MRC1: variants seen among roughly 807,000 people sequenced by gnomAD.
The protein encoded by MRC1 is mannose receptor C-type 1, also known as macrophage mannose receptor 1.
Under a neutral mutation model 102.9 loss-of-function variants are expected in MRC1, and 62 were observed. The observed-to-expected ratio is 0.60, with a 90% CI of 0.49 to 0.74. MRC1 has a LOEUF of 0.74. Ranked by LOEUF, MRC1 falls within the 30% of genes least tolerant of loss-of-function variation. The probability of loss-of-function intolerance (pLI) is 0.00; values close to 1 mark genes in which losing one functional copy is unlikely to be tolerated. For synonymous variants in MRC1, 457 were observed against 298.4 expected, an observed-to-expected ratio of 1.53 and a Z score of -5.48; for missense variants, 1,237 against 862.8, an observed-to-expected ratio of 1.43 and a Z score of -5.43.
chr10:17,861,446 A>C lies in MRC1; in HGVS notation c.1578A>C (p.Ala526=). 1.1e-6 allele frequency: 1 copy of C among 872,560 alleles called. No individual in the cohort carries two copies. The highest frequency in any genetic ancestry group is 2.0e-6 in the Non-Finnish European group (1 of 501,424). 54.1% of individuals were successfully genotyped at this position (872,560 alleles called of 1,614,324 possible). A position where few individuals can be genotyped will look rare whatever the true frequency, so the allele number is the denominator to read the frequency against. Residue 526 remains alanine, a synonymous_variant, in exon 10 of 30, where the codon GCA becomes GCC. Transcript: ENST00000569591. ...TTGGACATACGCTTTCAACATTTGC[A>C]GAAGCAAACCAAACCTGTAATAATG... ...YMIGHTLSTF[A]EANQTCNNEN... is the part of the protein sequence containing the mutation.
intron 23 of MRC1, among the ~76,000 whole-genome samples, chr10:17,895,520 C>T (rs923433780): frequency 2.0e-5 from 3 of 152,028 alleles, no homozygotes; most frequent in Admixed American, 6.6e-5. Flanking sequence ...TGGCATAAAG[C>T]ATCATTTGTG....
chr10:17,865,795 A>G (rs1049169334), intron 11 of MRC1, among the ~76,000 whole-genome samples: 7 of 152,226 alleles, frequency 4.6e-5, no homozygotes, highest in African/African-American at 1.7e-4. Flanking sequence ...GGAATCAGAG[A>G]TTTCAGAGAA....
At chr10:17,869,578 C>G (rs1449738316) in intron 12 of MRC1, among the ~76,000 whole-genome samples, 2 of 152,158 alleles carry the variant, frequency 1.3e-5, no homozygotes, top group Non-Finnish European at 2.9e-5. Flanking sequence ...CTGCATTTCA[C>G]TATTCTCTGC....
At chr10:17,856,133 G>T (rs546675) in intron 8 of MRC1, 109 bp from the exon 9 acceptor site, 495,001 of 698,726 alleles carry the variant, frequency 0.71, 177,624 homozygotes, top group East Asian at 0.81. Flanking sequence ...TCGCGCCACT[G>T]CACTCCAGCC....
chr10:17,831,003 C>G (rs1045286939), intron 3 of MRC1, among the ~76,000 whole-genome samples: 1,586 of 150,910 alleles, frequency 0.011, 107 homozygotes, highest in African/African-American at 0.037. Context: ...ATTCTCCTGC[C>G]TCAGCCTCCT....
At chr10:17,824,709 C>T (rs924506098) in intron 2 of MRC1, among the ~76,000 whole-genome samples, 3 of 152,094 alleles carry the variant, frequency 2.0e-5, no homozygotes, top group East Asian at 1.9e-4. Flanking sequence ...TTAAACTTGA[C>T]GGAGTCAAAT....
intron 23 of MRC1, among the ~76,000 whole-genome samples, chr10:17,896,395 T>G (rs1366630673): frequency 1.3e-5 from 2 of 152,266 alleles, no homozygotes; most frequent in East Asian, 3.9e-4. Context: ...CACCAGAATC[T>G]TAGGTCAGCA....
At chr10:17,827,093 CAA>C (rs1446408533) in intron 2 of MRC1, among the ~76,000 whole-genome samples, 5 of 151,652 alleles carry the variant, frequency 3.3e-5, no homozygotes, top group Non-Finnish European at 5.9e-5. Context: ...AAGCTGGTGT[CAA>C]TAGAGGAAGG....
intron 6 of MRC1, among the ~76,000 whole-genome samples, chr10:17,846,793 G>T (rs1050633007): frequency 2.1e-4 from 32 of 152,234 alleles, no homozygotes; most frequent in African/African-American, 6.5e-4. Context: ...AAAAGCTATT[G>T]CAGAGACAGC....
In MRC1 at chr10:17,872,119, A is replaced by T. The variant is rs1833362572; in HGVS notation, c.2337A>T (p.Ile779=). The change falls in exon 15 of 30, where the codon ATA becomes ATT. Residue 779 remains isoleucine, a synonymous_variant. Transcript: ENST00000569591. Reference sequence around the variant, plus strand: ...ACCTTAACAACTGGATTTGCCAGATACAAAAAGGTATGATCACCTCTTCTC... The same window carrying T: ...ACCTTAACAACTGGATTTGCCAGATTCAAAAAGGTATGATCACCTCTTCTC... ...CEHLNNWICQ[I]QKGQTPKPEP... 1.3e-6 allele frequency: 1 copy of T among 780,662 alleles called. No homozygotes were observed. The allele number at this position is 780,662 out of a possible 1,614,324, so 48.4% of individuals were successfully genotyped here.
intron 3 of MRC1, among the ~76,000 whole-genome samples, chr10:17,828,323 A>G (rs942486240): frequency 2.0e-5 from 3 of 151,472 alleles, no homozygotes; most frequent in East Asian, 1.9e-4. Flanking sequence ...TGATCCGCCC[A>G]CCTCGCCTCC....
At chr10:17,863,982 G>A (rs1018022871) in intron 11 of MRC1, among the ~76,000 whole-genome samples, 2,934 of 150,704 alleles carry the variant, frequency 0.019, 93 homozygotes, top group African/African-American at 0.067. Context: ...TGGTCGCAAA[G>A]GTTTCAAATG....
At chr10:17,894,176 A>G in intron 22 of MRC1, 34 bp from the exon 23 acceptor site, 1 of 869,552 alleles carries the variant, frequency 1.2e-6, no homozygotes, top group Non-Finnish European at 2.0e-6. Flanking sequence ...TTGATTCATG[A>G]TTGTTTTCTT....
At chr10:17,846,702 A>G (rs2130636514) in intron 6 of MRC1, among the ~76,000 whole-genome samples, 1 of 152,294 alleles carries the variant, frequency 6.6e-6, no homozygotes, top group East Asian at 1.9e-4. Context: ...TTTTTATCCT[A>G]AGTTTTCCAC....
At chr10:17,867,367 T>TCTC (rs1365745292) in intron 12 of MRC1, among the ~76,000 whole-genome samples, 4 of 119,002 alleles carry the variant, frequency 3.4e-5, no homozygotes, top group South Asian at 5.9e-4. Context: ...TCCTTCTCCT[T>TCTC]CTTCTTCTTC....
At position 17,871,962 on chromosome 10, in the gene MRC1, G is replaced by C. The variant is rs1833360593; in HGVS notation, c.2200-20G>C. 1.3e-6 allele frequency: 1 copy of C among 779,778 alleles called. No homozygotes were observed. Among genetic ancestry groups the C allele is most frequent in the Admixed American group, 1.7e-5 (1 of 58,920 alleles). 48.3% of individuals were successfully genotyped at this position (779,778 alleles called of 1,614,324 possible). On this transcript the variant is annotated intron_variant, in intron 14 of 29. Transcript: ENST00000569591. Reference sequence around the variant, plus strand: ...TTGATACAAATGGTTAATGGTTGTAGTTTAATGTTTCTAATATAGGTTTCA... The same window carrying C: ...TTGATACAAATGGTTAATGGTTGTACTTTAATGTTTCTAATATAGGTTTCA...
intron 17 of MRC1, among the ~76,000 whole-genome samples, chr10:17,876,889 A>G (rs1209749886): frequency 2.0e-5 from 3 of 152,066 alleles, no homozygotes; most frequent in African/African-American, 7.2e-5. Context: ...AAAATTCTTC[A>G]TGGCCTCATT....
intron 16 of MRC1, 127 bp from the exon 17 acceptor site, chr10:17,874,963 G>A (rs1833409593): frequency 1.4e-6 from 1 of 740,082 alleles, no homozygotes; most frequent in Non-Finnish European, 2.5e-6. Flanking sequence ...CTGCTGTTCT[G>A]GTCTCTCAGA....
chr10:17,864,177 G>A (rs1261855559), intron 11 of MRC1, among the ~76,000 whole-genome samples: 4 of 151,886 alleles, frequency 2.6e-5, no homozygotes, highest in Non-Finnish European at 5.9e-5. Flanking sequence ...TAATTTTTGT[G>A]TTTTTAGTAG....
Sources: gnomAD v4.1 joint callset for allele counts (sites outside exome capture counted in the v4.1 genomes callset) on GRCh38, gnomAD v4.1.1 for gene constraint, MANE v1.5 for transcripts, NCBI Gene and HGNC (gene_info 2026-07-23, HGNC 2026-07-21) for gene names.